ADCY7: variants seen among roughly 807,000 people sequenced by gnomAD.
ADCY7 encodes the protein adenylate cyclase 7, also known as adenylate cyclase type 7.
A neutral mutation model predicts 120.6 loss-of-function variants in ADCY7; 72 were observed. The observed-to-expected ratio is 0.60, with a 90% confidence interval of 0.49 to 0.73. The LOEUF is 0.73. Ranked by LOEUF, ADCY7 falls within the 30% of genes least tolerant of loss-of-function variation. The pLI, the probability that ADCY7 is intolerant of heterozygous loss-of-function variation, is 0.00. For missense variants in ADCY7, 1,227 were observed against 1,486.0 expected (o/e 0.83, Z 2.87); for synonymous variants, 661 against 628.0 (o/e 1.05, Z -0.78).
rs546148335 is a variant in ADCY7 at position 50,301,450 on chromosome 16, A to T, written c.1368+236A>T. Among the ~76,000 whole-genome samples, 5 of 152,314 alleles carry T rather than the reference A, an allele frequency of 3.3e-5. No individual in the cohort carries two copies. The South Asian group carries it at 8.3e-4, about 25-fold the overall frequency. On this transcript the variant is annotated intron_variant, in intron 10 of 25. Transcript: ENST00000673801. ...AAACAGCGCCTGCCTCACCAGAAGGAGCTAATCCGAGCGAGGCCTTCACAG... is the reference window on the plus strand; with the variant it reads ...AAACAGCGCCTGCCTCACCAGAAGGTGCTAATCCGAGCGAGGCCTTCACAG...
chr16:50,266,285 C>A (rs1000785077), upstream of ADCY7, among the ~76,000 whole-genome samples: 2 of 152,198 alleles, frequency 1.3e-5, no homozygotes, highest in Admixed American at 1.3e-4. Flanking sequence ...TGTCTTGGGG[C>A]TTCTAATGGA....
intron 1 of ADCY7, among the ~76,000 whole-genome samples, chr16:50,269,275 A>C (rs1053354937): frequency 1.2e-4 from 18 of 152,224 alleles, no homozygotes. Flanking sequence ...TGCCCACCAC[A>C]GTGTGGTCTG....
chr16:50,304,670 C>T, intron 11 of ADCY7, 119 bp downstream of exon 11: 1 of 1,127,140 alleles, frequency 8.9e-7, no homozygotes, highest in Non-Finnish European at 1.3e-6. Context: ...AAAATGGCCA[C>T]AGCCTCTGCC....
In ADCY7 at chr16:50,288,040, C is replaced by T; in HGVS notation, c.-140C>T. 1.0e-6 allele frequency: 1 copy of T among 983,166 alleles called. No individual in the cohort carries two copies. The allele number at this position is 983,166 out of a possible 1,614,324, so 60.9% of individuals were successfully genotyped here. A position where few individuals can be genotyped will look rare whatever the true frequency, so the allele number is the denominator to read the frequency against. On this transcript the variant is annotated 5_prime_UTR_variant, in exon 2 of 26. Coordinates refer to ENST00000673801, the MANE Select transcript of ADCY7 (RefSeq NM_001114.5). ...GGCCATGGAGCAGCAGGCCCAGAGGCCCTCTCCCCAGCCCTGCTTGCCTGC... is the reference window on the plus strand; with the variant it reads ...GGCCATGGAGCAGCAGGCCCAGAGGTCCTCTCCCCAGCCCTGCTTGCCTGC...
chr16:50,250,052 A>G (rs2032708334), intron 1 of ADCY7, among the ~76,000 whole-genome samples: 1 of 152,150 alleles, frequency 6.6e-6, no homozygotes, highest in Admixed American at 6.5e-5. Flanking sequence ...AAGTGCTTCA[A>G]CCCCTCTGAG....
rs1322077959 is a variant in ADCY7 at position 50,315,220 on chromosome 16, G to GCC, written c.3096+82_3096+83insCC. 2.5e-6 allele frequency: 4 copies of GCC among 1,581,494 alleles called. No homozygotes were observed. In the African/African-American group the frequency reaches 5.4e-5, roughly 21 times the overall value. On this transcript the variant is annotated intron_variant, in intron 25 of 25. Coordinates refer to ENST00000673801, the MANE Select transcript of ADCY7 (RefSeq NM_001114.5). ...AGGGGACTTGGACTTAAGAGCTGCTGTCTCACCCAGCAGCCATGGTTCTAG... is the reference window on the plus strand; with the variant it reads ...AGGGGACTTGGACTTAAGAGCTGCTGCCTCTCACCCAGCAGCCATGGTTCTAG...
chr16:50,248,446 T>C (rs904596826), intron 1 of ADCY7, among the ~76,000 whole-genome samples: 7 of 152,218 alleles, frequency 4.6e-5, no homozygotes, highest in Middle Eastern at 3.2e-3. Flanking sequence ...GGCCCTGCCA[T>C]GGCCAGTAGG....
upstream of ADCY7, among the ~76,000 whole-genome samples, chr16:50,262,127 G>A (rs781187318): frequency 2.0e-5 from 3 of 152,166 alleles, no homozygotes; most frequent in Non-Finnish European, 2.9e-5. Context: ...TTTGGCTGCA[G>A]TTTGAGTCTC....
intron 7 of ADCY7, among the ~76,000 whole-genome samples, chr16:50,295,146 A>T (rs1313459634): frequency 1.3e-5 from 2 of 152,092 alleles, no homozygotes; most frequent in African/African-American, 4.8e-5. Context: ...ACAGGATCTG[A>T]GGTGAATCAT....
At position 50,311,684 on chromosome 16, in the gene ADCY7, C is replaced by T. The variant is rs71384553; in HGVS notation, c.2355-9C>T. On this transcript the variant is annotated splice_polypyrimidine_tract_variant and intron_variant, in intron 19 of 25. Coordinates refer to ENST00000673801, the MANE Select transcript of ADCY7 (RefSeq NM_001114.5). ...GCTGGGAGTGACTTGGGCCTCCCTT[C>T]GCATTCAGTGGCACCCCTAGCTGTT... The T allele has an allele frequency of 1.6e-5, 26 of 1,608,036 alleles. No individual in the cohort carries two copies. In the East Asian group the frequency reaches 2.0e-4, roughly 12 times the overall value.
rs1000713702 is a variant in ADCY7 at position 50,318,135 on chromosome 16, A to G, written c.*2630A>G. On this transcript the variant is annotated 3_prime_UTR_variant, in exon 26 of 26. Transcript: ENST00000673801. ...TAAATTAGCAATTTGAAAAACTCAA[A>G]TATCTGAAGGTATTTTATTTTCGTG... The G allele has an allele frequency of 1.3e-5, 2 of 152,392 alleles. No homozygotes were observed. Among genetic ancestry groups the G allele is most frequent in the Non-Finnish European group, 2.9e-5 (2 of 68,024 alleles). The allele number at this position is 152,392 out of a possible 1,614,324, so 9.4% of individuals were successfully genotyped here. A position where few individuals can be genotyped will look rare whatever the true frequency, so the allele number is the denominator to read the frequency against.
At chr16:50,301,358 T>C (rs2035711126) in intron 10 of ADCY7, 144 bp downstream of exon 10, 16 of 1,123,786 alleles carry the variant, frequency 1.4e-5, no homozygotes, top group Non-Finnish European at 1.9e-5. Context: ...GAGCTCCCTG[T>C]TCCCAGGCAC....
intron 15 of ADCY7, 24 bp downstream of exon 15, chr16:50,307,171 G>A (rs1282123919): frequency 1.2e-6 from 2 of 1,601,446 alleles, no homozygotes; most frequent in Non-Finnish European, 1.7e-6. Flanking sequence ...AGGGGTGTGG[G>A]GGTCCGGCCT....
At chr16:50,257,002 G>T (rs545432848) in intron 1 of ADCY7, among the ~76,000 whole-genome samples, 1 of 152,130 alleles carries the variant, frequency 6.6e-6, no homozygotes, top group Non-Finnish European at 1.5e-5. Flanking sequence ...GAACAACATG[G>T]GTGAACCTAA....
chr16:50,273,395 A>G (rs145708648), intron 1 of ADCY7, among the ~76,000 whole-genome samples: 3,138 of 151,924 alleles, frequency 0.021, 62 homozygotes, highest in Non-Finnish European at 0.027. Flanking sequence ...TCTTTTCCTC[A>G]CTTGGCTCAT....
chr16:50,293,983 G>T (rs756967451), intron 6 of ADCY7, among the ~76,000 whole-genome samples: 7 of 152,188 alleles, frequency 4.6e-5, no homozygotes, highest in Non-Finnish European at 8.8e-5. Flanking sequence ...GCTGGGTGCC[G>T]TTGAGTGTAG....
intron 1 of ADCY7, among the ~76,000 whole-genome samples, chr16:50,257,167 G>T (rs1002518888): frequency 6.6e-6 from 1 of 152,124 alleles, no homozygotes; most frequent in Non-Finnish European, 1.5e-5. Context: ...ATTGCTTGAG[G>T]CTAGGAGTTC....
At chr16:50,306,314 G>A (rs1226991958) in intron 14 of ADCY7, among the ~76,000 whole-genome samples, 3 of 133,146 alleles carry the variant, frequency 2.3e-5, no homozygotes, top group South Asian at 2.3e-4. Flanking sequence ...TAATTTAACC[G>A]TCACAACGGC....
chr16:50,311,828 CTTTT>C, intron 20 of ADCY7, 42 bp downstream of exon 20: 1 of 1,323,718 alleles, frequency 7.6e-7, no homozygotes, highest in Non-Finnish European at 1.1e-6. Context: ...GCTCTGCCCA[CTTTT>C]CCTCACCTCC....
Sources: allele counts gnomAD v4.1 joint callset (sites outside exome capture counted in the v4.1 genomes callset), GRCh38; gene constraint gnomAD v4.1.1; transcripts MANE v1.5; gene names NCBI Gene and HGNC (gene_info 2026-07-23, HGNC 2026-07-21).